PHTF2: variants seen among roughly 807,000 people sequenced by gnomAD.
PHTF2 encodes putative homeodomain transcription factor 2, also known as protein PHTF2.
A neutral mutation model predicts 101.2 loss-of-function variants in PHTF2; 60 were observed. The observed-to-expected ratio is 0.59, with a 90% CI of 0.48 to 0.73. The LOEUF is 0.73. PHTF2 is among the 30% of genes least tolerant of loss of function. The pLI, the probability that PHTF2 is intolerant of heterozygous loss-of-function variation, is 0.00. For missense variants in PHTF2, 747 were observed against 908.7 expected (o/e 0.82, Z 2.29); for synonymous variants, 311 against 307.3 (o/e 1.01, Z -0.13).
intron 2 of PHTF2, among the ~76,000 whole-genome samples, chr7:77,853,554 C>T (rs1315376808): frequency 1.3e-5 from 2 of 151,982 alleles, no homozygotes; most frequent in African/African-American, 4.8e-5. Context: ...CCACCATGCC[C>T]AGCTAATTTT....
At chr7:77,886,862 A>C (rs745792546) in intron 3 of PHTF2, among the ~76,000 whole-genome samples, 2 of 151,854 alleles carry the variant, frequency 1.3e-5, no homozygotes, top group Non-Finnish European at 2.9e-5. Context: ...AGGGAGCAAC[A>C]TAAGGAGCTG....
chr7:77,891,906 TAA>T (rs887052503), intron 3 of PHTF2, among the ~76,000 whole-genome samples: 1 of 152,044 alleles, frequency 6.6e-6, no homozygotes, highest in Non-Finnish European at 1.5e-5. Flanking sequence ...ATTTTTAAAA[TAA>T]AAGAGTCACA....
At chr7:77,911,797 GT>G (rs1312887625) in intron 9 of PHTF2, among the ~76,000 whole-genome samples, 1 of 152,006 alleles carries the variant, frequency 6.6e-6, no homozygotes, top group Non-Finnish European at 1.5e-5. Context: ...AATATGTTTT[GT>G]TTTCGTTTTT....
At chr7:77,936,446 G>A (rs1426798615) in intron 12 of PHTF2, among the ~76,000 whole-genome samples, 1 of 152,092 alleles carries the variant, frequency 6.6e-6, no homozygotes, top group African/African-American at 2.4e-5. Context: ...GGAGGCTTAG[G>A]TGGGCAGATC....
chr7:77,823,583 A>G (rs1794476816), intron 1 of PHTF2, among the ~76,000 whole-genome samples: 1 of 152,220 alleles, frequency 6.6e-6, no homozygotes, highest in Non-Finnish European at 1.5e-5. Flanking sequence ...TGTTCTCACA[A>G]TTTAATTTCC....
chr7:77,951,149 A>C (rs1806503881), intron 17 of PHTF2, among the ~76,000 whole-genome samples: 1 of 152,176 alleles, frequency 6.6e-6, no homozygotes, highest in African/African-American at 2.4e-5. Context: ...CTTTCAAATA[A>C]ATCATAAAAC....
intron 12 of PHTF2, among the ~76,000 whole-genome samples, chr7:77,936,197 C>A (rs1393574124): frequency 2.0e-5 from 3 of 151,946 alleles, no homozygotes; most frequent in African/African-American, 7.3e-5. Context: ...ACTTTACTCC[C>A]CCTAGAGGAA....
intron 3 of PHTF2, among the ~76,000 whole-genome samples, chr7:77,868,852 T>G (rs535277918): frequency 4.5e-4 from 68 of 152,324 alleles, no homozygotes; most frequent in African/African-American, 1.5e-3. Context: ...TAATGTTGAC[T>G]TTTAAATGAT....
intron 3 of PHTF2, among the ~76,000 whole-genome samples, chr7:77,873,897 GTTT>G (rs1369918726): frequency 6.6e-6 from 1 of 152,146 alleles, no homozygotes; most frequent in African/African-American, 2.4e-5. Context: ...GCTTGTGTCT[GTTT>G]TTCTACAATT....
At chr7:77,910,704 C>T (rs528496090) in intron 9 of PHTF2, among the ~76,000 whole-genome samples, 16 of 152,090 alleles carry the variant, frequency 1.1e-4, no homozygotes, top group Admixed American at 9.8e-4. Context: ...TGCAGTGGCA[C>T]GATCTCGGCT....
chr7:77,942,438 A>G (rs1805706099), intron 15 of PHTF2, among the ~76,000 whole-genome samples: 2 of 152,198 alleles, frequency 1.3e-5, no homozygotes, highest in Admixed American at 1.3e-4. Context: ...CTTGTGTTTG[A>G]CAAAATGAAG....
chr7:77,886,938 C>T (rs916666550), intron 3 of PHTF2, among the ~76,000 whole-genome samples: 3 of 150,918 alleles, frequency 2.0e-5, no homozygotes, highest in African/African-American at 4.9e-5. Context: ...CCCAGGTGCT[C>T]AGGAGGCTGA....
At chr7:77,947,277 T>C (rs1806129710) in intron 16 of PHTF2, among the ~76,000 whole-genome samples, 1 of 152,142 alleles carries the variant, frequency 6.6e-6, no homozygotes, top group South Asian at 2.1e-4. Context: ...AGGTACACAA[T>C]GAGGCTGAGC....
At chr7:77,890,124 A>G (rs1800254208) in intron 3 of PHTF2, among the ~76,000 whole-genome samples, 1 of 151,268 alleles carries the variant, frequency 6.6e-6, no homozygotes, top group African/African-American at 2.4e-5. Context: ...AAAACAAATC[A>G]TTTTATCCTG....
intron 9 of PHTF2, among the ~76,000 whole-genome samples, chr7:77,919,015 T>C (rs1312625288): frequency 6.6e-6 from 1 of 152,184 alleles, no homozygotes; most frequent in East Asian, 1.9e-4. Context: ...TTGATGAGTG[T>C]GTTAAAAAAT....
In PHTF2 at chr7:77,817,328, C is replaced by T. The variant is rs576569937; in HGVS notation, c.-36+18357C>T. 3.9e-5 allele frequency among the ~76,000 whole-genome samples: 6 copies of T among 152,126 alleles called. No homozygotes were observed. The East Asian group carries it at 9.6e-4, about 24-fold the overall frequency. Reference sequence around the variant, plus strand: ...TTCCCTGATGATTAGTGTATTAGTTCGTTCTCACGCTGCTAATAAAGACAT... The same window carrying T: ...TTCCCTGATGATTAGTGTATTAGTTTGTTCTCACGCTGCTAATAAAGACAT... On this transcript the variant is annotated intron_variant, in intron 1 of 19. Transcript: ENST00000416283.
chr7:77,827,742 C>T (rs568285970), intron 1 of PHTF2, among the ~76,000 whole-genome samples: 5 of 152,006 alleles, frequency 3.3e-5, no homozygotes, highest in Middle Eastern at 3.4e-3. Flanking sequence ...CAGGTTCAAG[C>T]GATTCTCCTG....
exon 20 of PHTF2, chr7:77,957,297 T>G (rs1169590032): frequency 1.3e-5 from 2 of 152,108 alleles, no homozygotes; most frequent in African/African-American, 4.8e-5. Context: ...AACATAAAAT[T>G]TAGTTAGATT....
chr7:77,809,228 T>C (rs1163964223), intron 1 of PHTF2, among the ~76,000 whole-genome samples: 1 of 144,912 alleles, frequency 6.9e-6, no homozygotes, highest in African/African-American at 2.6e-5. Flanking sequence ...TTCGTTGTTT[T>C]TTTTTTTTTT....
Sources: allele counts gnomAD v4.1 joint callset (sites outside exome capture counted in the v4.1 genomes callset), GRCh38; gene constraint gnomAD v4.1.1; transcripts MANE v1.5; gene names NCBI Gene and HGNC (gene_info 2026-07-23, HGNC 2026-07-21).